Variants in SPATA17 observed in about 807,000 individuals in gnomAD.
SPATA17 encodes spermatogenesis associated 17.
In SPATA17, 53 loss-of-function variants were observed where a neutral mutation model predicts 62.2. The ratio of observed to expected loss-of-function variants is 0.85; its 90% CI spans 0.68 to 1.07. SPATA17 has a LOEUF of 1.07. Ranked by LOEUF, SPATA17 falls within the 50% of genes least tolerant of loss-of-function variation. SPATA17 has a pLI of 0.00. For synonymous variants in SPATA17, 146 were observed against 146.8 expected, an observed-to-expected ratio of 0.99 and a Z score of 0.04; for missense variants, 466 against 425.5, an observed-to-expected ratio of 1.10 and a Z score of -0.84.
At chr1:217,785,886 G>A (rs1388938562) in intron 8 of SPATA17, among the ~76,000 whole-genome samples, 2 of 152,036 alleles carry the variant, frequency 1.3e-5, no homozygotes, top group East Asian at 3.9e-4. Context: ...TTTTTTGGAA[G>A]TCATTTTAAA....
intron 9 of SPATA17, among the ~76,000 whole-genome samples, chr1:217,848,567 C>T (rs1675577757): frequency 6.6e-6 from 1 of 152,146 alleles, no homozygotes; most frequent in Admixed American, 6.5e-5. Flanking sequence ...ATTTTCTTCA[C>T]ATCTCTTGTC....
chr1:217,683,359 T>A lies in SPATA17; in HGVS notation c.393T>A (p.Ile131=). ...TCGTTTCAGAGACCAATGATGCAAT[T>A]AGGTAAGTAGTGCAATCATCCATTC... ...LKVVSETNDA[I]RKALEEFAEM... Residue 131 remains isoleucine, a splice_region_variant and synonymous_variant, in exon 5 of 11, where the codon ATT becomes ATA. Transcript: ENST00000366933. 1 of 1,582,456 alleles carries A rather than the reference T, an allele frequency of 6.3e-7. No individual in the cohort carries two copies. Among genetic ancestry groups the A allele is most frequent in the Non-Finnish European group, 8.7e-7 (1 of 1,153,472 alleles).
intron 9 of SPATA17, among the ~76,000 whole-genome samples, chr1:217,835,756 T>C (rs1378471036): frequency 6.6e-6 from 1 of 152,160 alleles, no homozygotes; most frequent in African/African-American, 2.4e-5. Flanking sequence ...TAGGCATAAA[T>C]GATTGCCAAC....
rs1174157024 is a variant in SPATA17 at position 217,855,960 on chromosome 1, C to T, written c.1006-6814C>T. 2.0e-5 allele frequency among the ~76,000 whole-genome samples: 3 copies of T among 151,986 alleles called. No individual in the cohort carries two copies. In the East Asian group the frequency reaches 5.8e-4, roughly 30 times the overall value. The stretch of plus-strand genomic sequence containing the variant: ...CAGGATGGTCTCGATCCCTTGACCT[C>T]GTGTTCTGCCCCCCTGAACCCCCCA... On this transcript the variant is annotated intron_variant, in intron 9 of 10. Transcript: ENST00000366933.
chr1:217,742,993 AT>A (rs1672658382), intron 6 of SPATA17, among the ~76,000 whole-genome samples: 2 of 151,248 alleles, frequency 1.3e-5, no homozygotes, highest in African/African-American at 4.9e-5. Flanking sequence ...GGCCGTCTAC[AT>A]TTGGAGTGTA....
chr1:217,844,389 A>T (rs1215699363), intron 9 of SPATA17, among the ~76,000 whole-genome samples: 1 of 152,072 alleles, frequency 6.6e-6, no homozygotes, highest in Admixed American at 6.6e-5. Context: ...TAAAAGAATG[A>T]TGAAGACTTT....
intron 5 of SPATA17, among the ~76,000 whole-genome samples, chr1:217,686,512 TA>T (rs1253848773): frequency 1.3e-5 from 2 of 152,174 alleles, no homozygotes; most frequent in Non-Finnish European, 2.9e-5. Flanking sequence ...CTATATTTTT[TA>T]GAGAAACATC....
At chr1:217,780,333 G>A (rs142112035) in intron 7 of SPATA17, among the ~76,000 whole-genome samples, 13 of 110,308 alleles carry the variant, frequency 1.2e-4, no homozygotes, top group Non-Finnish European at 4.6e-5. Context: ...ATTGTCTGAG[G>A]TATAAATGTA....
chr1:217,714,959 A>C (rs1469751488), intron 5 of SPATA17, among the ~76,000 whole-genome samples: 1 of 152,174 alleles, frequency 6.6e-6, no homozygotes, highest in East Asian at 1.9e-4. Context: ...ATATGGTAAT[A>C]AGTATCTTTT....
intron 6 of SPATA17, among the ~76,000 whole-genome samples, chr1:217,756,215 C>T (rs1238346234): frequency 6.6e-6 from 1 of 151,870 alleles, no homozygotes; most frequent in Non-Finnish European, 1.5e-5. Flanking sequence ...TCCAATTATT[C>T]ACTCTTTTTT....
At chr1:217,731,043 C>G (rs2102941205) in intron 5 of SPATA17, among the ~76,000 whole-genome samples, 1 of 152,238 alleles carries the variant, frequency 6.6e-6, no homozygotes, top group South Asian at 2.1e-4. Context: ...CATAAAGGCA[C>G]TGTAAACCAC....
At chr1:217,689,423 G>C (rs1245521415) in intron 5 of SPATA17, among the ~76,000 whole-genome samples, 2 of 151,602 alleles carry the variant, frequency 1.3e-5, no homozygotes, top group African/African-American at 4.8e-5. Context: ...ATGGGGTTTC[G>C]CCATGTTGGC....
intron 8 of SPATA17, among the ~76,000 whole-genome samples, chr1:217,795,724 C>T (rs556618236): frequency 6.6e-6 from 1 of 152,212 alleles, no homozygotes; most frequent in Non-Finnish European, 1.5e-5. Context: ...TGAGTCCCCT[C>T]ATCTCATCCC....
chr1:217,788,369 C>G (rs1673915967), intron 8 of SPATA17, among the ~76,000 whole-genome samples: 3 of 152,040 alleles, frequency 2.0e-5, no homozygotes. Context: ...ATAATGCTTC[C>G]CCAATCCCTA....
intron 10 of SPATA17, chr1:217,866,649 A>G (rs1486630396): frequency 1.3e-5 from 2 of 151,998 alleles, no homozygotes; most frequent in Non-Finnish European, 2.9e-5. Flanking sequence ...TTTTGTAAAA[A>G]TGGGATCTTG....
intron 3 of SPATA17, among the ~76,000 whole-genome samples, chr1:217,663,985 C>T (rs939898159): frequency 6.6e-6 from 1 of 151,782 alleles, no homozygotes; most frequent in Non-Finnish European, 1.5e-5. Context: ...AAGAAGAGAT[C>T]CATACTAGAT....
intron 9 of SPATA17, among the ~76,000 whole-genome samples, chr1:217,858,545 A>C (rs1165613592): frequency 6.6e-6 from 1 of 152,182 alleles, no homozygotes; most frequent in Admixed American, 6.5e-5. Flanking sequence ...ATTGGGTAGA[A>C]TTCACCAGTG....
At chr1:217,689,065 A>G (rs1671289764) in intron 5 of SPATA17, among the ~76,000 whole-genome samples, 1 of 152,160 alleles carries the variant, frequency 6.6e-6, no homozygotes, top group Non-Finnish European at 1.5e-5. Context: ...ATGATTTAAT[A>G]CTTATTTAAC....
intron 1 of SPATA17, among the ~76,000 whole-genome samples, chr1:217,646,219 T>C (rs1347948478): frequency 6.6e-6 from 1 of 152,190 alleles, no homozygotes; most frequent in African/African-American, 2.4e-5. Flanking sequence ...ATAATTCTAC[T>C]ACATGTGTAT....
Sources: allele counts gnomAD v4.1 joint callset (sites outside exome capture counted in the v4.1 genomes callset), GRCh38; gene constraint gnomAD v4.1.1; transcripts MANE v1.5; gene names NCBI Gene and HGNC (gene_info 2026-07-23, HGNC 2026-07-21).